The following PCDHA13 variants were observed in gnomAD, a reference collection of about 807,000 sequenced individuals.
PCDHA13 encodes protocadherin alpha-13.
Under a neutral mutation model 64.8 loss-of-function variants are expected in PCDHA13, and 54 were observed. That is an observed-to-expected ratio of 0.83 (90% CI 0.67 to 1.04). The LOEUF (loss-of-function observed/expected upper bound fraction) is 1.04, where lower values mean the gene tolerates loss of function less well. Ranked by LOEUF, PCDHA13 falls within the 50% of genes least tolerant of loss-of-function variation. PCDHA13 has a pLI of 0.00. For synonymous variants in PCDHA13, 587 were observed against 564.4 expected (o/e 1.04, Z -0.57); for missense variants, 1,248 against 1,254.3 (o/e 0.99, Z 0.08).
At position 140,883,461 on chromosome 5, in the gene PCDHA13, T is replaced by C; in HGVS notation, c.1193T>C (p.Val398Ala). 2.5e-6 allele frequency: 4 copies of C among 1,614,144 alleles called. No homozygotes were observed. Among genetic ancestry groups the C allele is most frequent in the Non-Finnish European group, 3.4e-6 (4 of 1,180,032 alleles). The stretch of plus-strand genomic sequence containing the variant: ...ACGCCGCATGTCCCCTTCAAGCTGG[T>C]GTCCACCTACAAGAACTACTACTCA... ...TLTPHVPFKLVSTYKNYYSLV... is the reference protein window; with the variant it reads ...TLTPHVPFKLASTYKNYYSLV... Residue 398 changes from valine (V) to alanine (A), a missense_variant, in exon 1 of 4, where the codon GTG becomes GCG. Transcript: ENST00000289272.
chr5:140,969,228 G>C, intron 1 of PCDHA13: 1 of 1,614,176 alleles, frequency 6.2e-7, no homozygotes, highest in Non-Finnish European at 8.5e-7. Flanking sequence ...GGGCCTTCGG[G>C]AGCCCAAGCA....
chr5:140,924,472 GT>G (rs1436957745), intron 1 of PCDHA13, among the ~76,000 whole-genome samples: 2 of 152,188 alleles, frequency 1.3e-5, no homozygotes, highest in African/African-American at 4.8e-5. Context: ...GAGGTAACTG[GT>G]TTTTAGTGGA....
intron 1 of PCDHA13, among the ~76,000 whole-genome samples, chr5:140,918,743 A>T (rs1346660934): frequency 6.6e-6 from 1 of 152,196 alleles, no homozygotes; most frequent in Non-Finnish European, 1.5e-5. Flanking sequence ...CCCTTATAAA[A>T]GAGGCCCAGA....
chr5:140,966,373 T>G (rs1554228235), intron 1 of PCDHA13: 1 of 404,624 alleles, frequency 2.5e-6, no homozygotes, highest in African/African-American at 2.1e-5. Flanking sequence ...GGCTGAGCAG[T>G]CCGGGTTCGC....
intron 1 of PCDHA13, among the ~76,000 whole-genome samples, chr5:140,913,855 T>C (rs1554196077): frequency 6.6e-6 from 1 of 152,220 alleles, no homozygotes; most frequent in Admixed American, 6.5e-5. Context: ...TTCAGGAGCA[T>C]ATTGTTTAAT....
chr5:140,957,702 A>C (rs930331275), intron 1 of PCDHA13, among the ~76,000 whole-genome samples: 4 of 152,158 alleles, frequency 2.6e-5, no homozygotes, highest in Non-Finnish European at 5.9e-5. Context: ...AACATTATGT[A>C]GTTTTTATTA....
At position 140,884,204 on chromosome 5, in the gene PCDHA13, C is replaced by A. The variant is rs1410511984; in HGVS notation, c.1936C>A (p.Arg646Ser). ...GGACGAGGTGGACGCGCCGCACCAC[C>A]GCCTTCTGGTGCTGGTGAAGGACCA... ...PLDEVDAPHHRLLVLVKDHGE... is the reference protein window; with the variant it reads ...PLDEVDAPHHSLLVLVKDHGE... Residue 646 changes from arginine (R) to serine (S), a missense_variant, in exon 1 of 4, where the codon CGC becomes AGC. Physicochemically the swap from Arg to Ser is moderately radical, Grantham distance 110. Transcript: ENST00000289272. The A allele has an allele frequency of 6.2e-7, 1 of 1,613,382 alleles. No individual in the cohort carries two copies. The highest frequency in any genetic ancestry group is 8.5e-7 in the Non-Finnish European group (1 of 1,179,766).
intron 1 of PCDHA13, among the ~76,000 whole-genome samples, chr5:140,907,643 A>C (rs2073513749): frequency 6.6e-6 from 1 of 152,208 alleles, no homozygotes; most frequent in African/African-American, 2.4e-5. Flanking sequence ...GCTGCTGGCA[A>C]ATTGGGCACT....
At chr5:140,986,005 C>G (rs912493095) in intron 3 of PCDHA13, among the ~76,000 whole-genome samples, 1 of 152,040 alleles carries the variant, frequency 6.6e-6, no homozygotes, top group African/African-American at 2.4e-5. Flanking sequence ...TCCCAAAGTG[C>G]TGGGATTACA....
chr5:140,918,651 C>A (rs1418223257), intron 1 of PCDHA13, among the ~76,000 whole-genome samples: 1 of 152,144 alleles, frequency 6.6e-6, no homozygotes, highest in African/African-American at 2.4e-5. Flanking sequence ...AAACCTAATT[C>A]TCATGTTGAT....
In PCDHA13 at chr5:140,984,898, A is replaced by G. The variant is rs551340383; in HGVS notation, c.2542+2335A>G. ...GTTACCATGAGAACTAAAGGAGAAA[A>G]AAAGAACTGAGCATAGTGCTTGACA... On this transcript the variant is annotated intron_variant, in intron 3 of 3. Transcript: ENST00000289272. Among the ~76,000 whole-genome samples, 21 of 152,282 alleles carry G rather than the reference A, an allele frequency of 1.4e-4. No individual in the cohort carries two copies. The South Asian group carries it at 4.4e-3, about 32-fold the overall frequency.
chr5:140,967,460 G>C, intron 1 of PCDHA13: 1 of 1,613,538 alleles, frequency 6.2e-7, no homozygotes, highest in African/African-American at 1.3e-5. Context: ...AGCCGTGGAT[G>C]GGGGCATCCC....
chr5:140,884,530 G>A lies in PCDHA13; in HGVS notation c.2262G>A (p.Arg754=). 1 of 1,614,062 alleles carries A rather than the reference G, an allele frequency of 6.2e-7. No homozygotes were observed. Among genetic ancestry groups the A allele is most frequent in the South Asian group, 1.1e-5 (1 of 91,072 alleles). The part of the protein sequence containing the change: ...AAGSWSYSQQ[R]RPRVCSGEGP... ...GGAGTTGGTCGTACTCGCAGCAGAGGCGGCCGAGGGTGTGCTCTGGGGAGG... is the reference window on the plus strand; with the variant it reads ...GGAGTTGGTCGTACTCGCAGCAGAGACGGCCGAGGGTGTGCTCTGGGGAGG... Residue 754 remains arginine (R), a synonymous_variant, in exon 1 of 4, where the codon AGG becomes AGA. Transcript: ENST00000289272.
Position 140,895,072 on chromosome 5 carries a change from A to C in PCDHA13, c.2394+10410A>C, listed in dbSNP as rs974661383. On this transcript the variant is annotated intron_variant, in intron 1 of 3. Coordinates refer to ENST00000289272, the MANE Select transcript of PCDHA13 (RefSeq NM_018904.3). ...TCTGCTTCATATGGACTCAATTCCT[A>C]TCAGTTCCTCCTCAGTATAGGGGTT... 2.6e-5 allele frequency among the ~76,000 whole-genome samples: 4 copies of C among 152,208 alleles called. No homozygotes were observed. In the South Asian group the frequency reaches 6.2e-4, roughly 24 times the overall value.
At position 140,883,655 on chromosome 5, in the gene PCDHA13, T is replaced by A. The variant is rs782178754; in HGVS notation, c.1387T>A (p.Phe463Ile). 4.3e-6 allele frequency: 7 copies of A among 1,613,000 alleles called. No individual in the cohort carries two copies. The highest frequency in any genetic ancestry group is 1.3e-5 in the African/African-American group (1 of 74,580). The change falls in exon 1 of 4, where the codon TTC (phenylalanine) becomes ATC (isoleucine). Residue 463 changes from phenylalanine to isoleucine, a missense_variant. Physicochemically the swap from Phe to Ile is conservative, Grantham distance 21 (BLOSUM62 0). Transcript: ENST00000289272. ...GTTCGCGCAGCCCGAGTACACGGTG[T>A]TCGTGAAGGAAAACAATCCGCCGGG... ...PAFAQPEYTVFVKENNPPGCH... is the reference protein window; with the variant it reads ...PAFAQPEYTVIVKENNPPGCH...
At chr5:140,929,972 G>A (rs2086500191) in intron 1 of PCDHA13, 1 of 152,084 alleles carries the variant, frequency 6.6e-6, no homozygotes, top group South Asian at 2.1e-4. Flanking sequence ...TTTTGGTGAA[G>A]GTGTCTTCTT....
chr5:140,892,144 G>T (rs549500463), intron 1 of PCDHA13, among the ~76,000 whole-genome samples: 1 of 152,102 alleles, frequency 6.6e-6, no homozygotes, highest in Non-Finnish European at 1.5e-5. Context: ...TGGTTTTAGC[G>T]TCTATTTCTG....
chr5:140,883,291 A>G lies in PCDHA13; in HGVS notation c.1023A>G (p.Leu341=). 6.2e-7 allele frequency: 1 copy of G among 1,614,118 alleles called. No homozygotes were observed. The highest frequency in any genetic ancestry group is 8.5e-7 in the Non-Finnish European group (1 of 1,180,032). The change falls in exon 1 of 4, where the codon CTA becomes CTG. Residue 341 remains leucine, a synonymous_variant. Coordinates refer to ENST00000289272, the MANE Select transcript of PCDHA13 (RefSeq NM_018904.3). The part of the protein sequence containing the change: ...AGHCTLLVEV[L]DVNDNAPEVT... ...ATTGTACCCTTTTGGTGGAAGTACTAGATGTAAATGATAACGCCCCAGAGG... is the reference window on the plus strand; with the variant it reads ...ATTGTACCCTTTTGGTGGAAGTACTGGATGTAAATGATAACGCCCCAGAGG...
At chr5:140,902,331 C>A (rs1271812504) in intron 1 of PCDHA13, among the ~76,000 whole-genome samples, 1 of 151,712 alleles carries the variant, frequency 6.6e-6, no homozygotes, top group African/African-American at 2.4e-5. Flanking sequence ...ACTCACTTCG[C>A]CTGGCCTAGG....
Sources: allele counts gnomAD v4.1 joint callset (sites outside exome capture counted in the v4.1 genomes callset), GRCh38; gene constraint gnomAD v4.1.1; transcripts MANE v1.5; gene names NCBI Gene and HGNC (gene_info 2026-07-23, HGNC 2026-07-21).